PTPRM: variants seen among roughly 807,000 people sequenced by gnomAD.
PTPRM encodes protein tyrosine phosphatase receptor type M.
PTPRM carries 47 observed loss-of-function variants against 186.7 expected under a neutral mutation model. The observed-to-expected ratio is 0.25, with a 90% CI of 0.20 to 0.32. The LOEUF (loss-of-function observed/expected upper bound fraction) is 0.32. PTPRM is among the 10% of genes least tolerant of loss of function. The pLI, the probability that PTPRM is intolerant of heterozygous loss-of-function variation, is 1.00. For synonymous variants in PTPRM, 668 were observed against 674.9 expected (o/e 0.99, Z 0.16); for missense variants, 1,494 against 1,865.0 (o/e 0.80, Z 3.66).
At chr18:7,651,986 T>A (rs1015475184) in intron 1 of PTPRM, among the ~76,000 whole-genome samples, 7 of 151,698 alleles carry the variant, frequency 4.6e-5, no homozygotes, top group African/African-American at 1.7e-4. Context: ...TGGGAGAAAA[T>A]TTTCGCAACC....
At chr18:7,810,506 A>G (rs1490262244) in intron 2 of PTPRM, among the ~76,000 whole-genome samples, 1 of 152,116 alleles carries the variant, frequency 6.6e-6, no homozygotes, top group Admixed American at 6.5e-5. Context: ...TAAGCAGTGG[A>G]TGTATGCATT....
chr18:7,893,887 T>A (rs982409139), intron 3 of PTPRM, among the ~76,000 whole-genome samples: 1 of 152,120 alleles, frequency 6.6e-6, no homozygotes, highest in Admixed American at 6.6e-5. Flanking sequence ...CCAGTTGGGT[T>A]AAGAAGGACA....
intron 1 of PTPRM, among the ~76,000 whole-genome samples, chr18:7,667,412 G>A (rs8092031): frequency 0.17 from 25,853 of 151,942 alleles, 3,396 homozygotes; most frequent in African/African-American, 0.36. Context: ...GAACCCCCTC[G>A]GGCCTATAGG....
At chr18:8,369,816 G>A (rs898948381) in intron 23 of PTPRM, among the ~76,000 whole-genome samples, 2 of 152,168 alleles carry the variant, frequency 1.3e-5, no homozygotes, top group African/African-American at 2.4e-5. Context: ...TGGGCATGGT[G>A]ACATGTGCTT....
chr18:7,740,867 G>C (rs953702792), intron 1 of PTPRM, among the ~76,000 whole-genome samples: 1 of 152,210 alleles, frequency 6.6e-6, no homozygotes, highest in Non-Finnish European at 1.5e-5. Flanking sequence ...ATAGTGTCCA[G>C]TGTGGCATTA....
At chr18:7,898,487 T>C (rs1165234339) in intron 3 of PTPRM, among the ~76,000 whole-genome samples, 1 of 152,178 alleles carries the variant, frequency 6.6e-6, no homozygotes, top group African/African-American at 2.4e-5. Context: ...TTTCTCCTGT[T>C]TGGCAGACAT....
At chr18:8,225,859 A>G (rs147741074) in intron 14 of PTPRM, among the ~76,000 whole-genome samples, 1 of 152,354 alleles carries the variant, frequency 6.6e-6, no homozygotes. Flanking sequence ...CAAACAAGCT[A>G]TAGATTAGGA....
At chr18:8,304,719 C>T (rs1292350567) in intron 20 of PTPRM, among the ~76,000 whole-genome samples, 1 of 151,976 alleles carries the variant, frequency 6.6e-6, no homozygotes, top group African/African-American at 2.4e-5. Context: ...ACTTGGGGAA[C>T]ATATCCCAGA....
chr18:7,575,742 T>G (rs1465048781), intron 1 of PTPRM, among the ~76,000 whole-genome samples: 1 of 152,160 alleles, frequency 6.6e-6, no homozygotes, highest in Non-Finnish European at 1.5e-5. Flanking sequence ...CTTTAGGACA[T>G]GGCTTGTCTG....
chr18:7,750,491 T>A (rs940042951), intron 1 of PTPRM, among the ~76,000 whole-genome samples: 1 of 152,228 alleles, frequency 6.6e-6, no homozygotes, highest in Middle Eastern at 3.2e-3. Context: ...ATAACATTCC[T>A]CGTATCAGTC....
Position 8,048,678 on chromosome 18 carries a change from A to G in PTPRM, c.1133-21008A>G, listed in dbSNP as rs1330301296. Reference sequence around the variant, plus strand: ...GTTGAGTGTGGTCTTTTGTGAAACCATTTGCGTAGACTTGTAAACAACTTC... The same window carrying G: ...GTTGAGTGTGGTCTTTTGTGAAACCGTTTGCGTAGACTTGTAAACAACTTC... On this transcript the variant is annotated intron_variant, in intron 7 of 32. Coordinates refer to ENST00000580170, the MANE Select transcript of PTPRM (RefSeq NM_001105244.2). 2.0e-5 allele frequency among the ~76,000 whole-genome samples: 3 copies of G among 152,150 alleles called. No homozygotes were observed. The East Asian group carries it at 5.8e-4, about 29-fold the overall frequency.
At chr18:7,904,407 A>G (rs1019123488) in intron 3 of PTPRM, among the ~76,000 whole-genome samples, 1 of 152,056 alleles carries the variant, frequency 6.6e-6, no homozygotes, top group Non-Finnish European at 1.5e-5. Flanking sequence ...AAGCAAACCC[A>G]TCTCCCTCCT....
At chr18:7,674,833 C>T (rs1053373885) in intron 1 of PTPRM, among the ~76,000 whole-genome samples, 4 of 152,190 alleles carry the variant, frequency 2.6e-5, no homozygotes, top group African/African-American at 9.7e-5. Flanking sequence ...TTGGTAGGCT[C>T]TTAATCGTAT....
At chr18:8,115,669 G>A (rs756012346) in intron 13 of PTPRM, among the ~76,000 whole-genome samples, 1 of 152,142 alleles carries the variant, frequency 6.6e-6, no homozygotes, top group Non-Finnish European at 1.5e-5. Context: ...AGAGACGATG[G>A]TAAAAACACA....
intron 7 of PTPRM, among the ~76,000 whole-genome samples, chr18:8,030,561 A>T (rs528627601): frequency 3.3e-5 from 5 of 152,358 alleles, no homozygotes; most frequent in African/African-American, 1.2e-4. Flanking sequence ...TTTGAAGTTC[A>T]TCTGTCTATT....
chr18:8,120,549 G>A (rs2092133171), intron 13 of PTPRM, among the ~76,000 whole-genome samples: 1 of 146,796 alleles, frequency 6.8e-6, no homozygotes, highest in Admixed American at 6.9e-5. Flanking sequence ...CTGGAGTGTA[G>A]TGGCGCGATC....
At chr18:7,738,715 A>G (rs2144485103) in intron 1 of PTPRM, among the ~76,000 whole-genome samples, 1 of 151,924 alleles carries the variant, frequency 6.6e-6, no homozygotes, top group East Asian at 1.9e-4. Flanking sequence ...TGCTGGGATT[A>G]CAGGTGTGAG....
intron 3 of PTPRM, among the ~76,000 whole-genome samples, chr18:7,899,408 C>T (rs2049539932): frequency 6.6e-6 from 1 of 152,068 alleles, no homozygotes. Context: ...TAGGGAGTAG[C>T]AAATTCACAA....
intron 7 of PTPRM, among the ~76,000 whole-genome samples, chr18:7,958,402 A>G (rs2053457574): frequency 6.6e-6 from 1 of 152,122 alleles, no homozygotes; most frequent in African/African-American, 2.4e-5. Flanking sequence ...AGCAATCAGG[A>G]TAGGAAAGGA....
Sources: gnomAD v4.1 joint callset for allele counts (sites outside exome capture counted in the v4.1 genomes callset) on GRCh38, gnomAD v4.1.1 for gene constraint, MANE v1.5 for transcripts, NCBI Gene and HGNC (gene_info 2026-07-23, HGNC 2026-07-21) for gene names.